CPB1: variants seen among roughly 807,000 people sequenced by gnomAD.
The protein encoded by CPB1 is carboxypeptidase B1, also known as carboxypeptidase B.
A neutral mutation model predicts 51.4 loss-of-function variants in CPB1; 53 were observed. That is an observed-to-expected ratio of 1.03 (90% CI 0.83 to 1.30). CPB1 has a LOEUF of 1.30. Among genes scored for constraint, CPB1 ranks in the 50% most tolerant of loss-of-function variants. CPB1 has a pLI of 0.00. For synonymous variants in CPB1, 189 were observed against 186.9 expected, an observed-to-expected ratio of 1.01 and a Z score of -0.09; for missense variants, 494 against 516.2, an observed-to-expected ratio of 0.96 and a Z score of 0.42.
At chr3:148,839,711 T>C (rs572641811) in intron 3 of CPB1, among the ~76,000 whole-genome samples, 2 of 152,300 alleles carry the variant, frequency 1.3e-5, no homozygotes, top group South Asian at 2.1e-4. Flanking sequence ...CAGAATGTCC[T>C]TGGGGCAGCC....
Position 148,827,913 on chromosome 3 carries a change from A to G in CPB1, c.71+19A>G, listed in dbSNP as rs10935727. On this transcript the variant is annotated intron_variant, in intron 1 of 10. Coordinates refer to ENST00000282957, the MANE Select transcript of CPB1 (RefSeq NM_001871.3). Reference sequence around the variant, plus strand: ...TTGAAGGGTAAGTAAGCCATCTTTAAGGAGCAAGTCCTTCTTCCTTGCTAG... The same window carrying G: ...TTGAAGGGTAAGTAAGCCATCTTTAGGGAGCAAGTCCTTCTTCCTTGCTAG... 3.9e-3 allele frequency: 6,242 copies of G among 1,613,846 alleles called. 211 individuals carry two copies. The African/African-American group carries it at 0.074, about 19-fold the overall frequency.
chr3:148,850,518 G>C (rs983125952), intron 9 of CPB1, among the ~76,000 whole-genome samples: 4 of 152,182 alleles, frequency 2.6e-5, no homozygotes, highest in Admixed American at 6.5e-5. Flanking sequence ...TAGCCAGGGT[G>C]GTCTCGATCT....
intron 10 of CPB1, among the ~76,000 whole-genome samples, chr3:148,858,433 G>A (rs536254122): frequency 3.3e-5 from 5 of 152,068 alleles, no homozygotes; most frequent in Admixed American, 2.0e-4. Context: ...TTAGCCAGGC[G>A]TGGTGGCGGG....
At chr3:148,844,279 G>T (rs1174007261) in intron 6 of CPB1, among the ~76,000 whole-genome samples, 199 bp from the exon 7 acceptor site, 3 of 152,118 alleles carry the variant, frequency 2.0e-5, no homozygotes, top group South Asian at 2.1e-4. Context: ...AAGCAGAGAA[G>T]AATTAGAAAT....
At chr3:148,843,030 T>TA (rs1291871785) in intron 6 of CPB1, among the ~76,000 whole-genome samples, 1 of 152,128 alleles carries the variant, frequency 6.6e-6, no homozygotes, top group African/African-American at 2.4e-5. Flanking sequence ...TCAACAGTGT[T>TA]AAAGTCATAA....
intron 5 of CPB1, among the ~76,000 whole-genome samples, chr3:148,841,408 T>C (rs1176562576): frequency 6.6e-6 from 1 of 152,132 alleles, no homozygotes; most frequent in Non-Finnish European, 1.5e-5. Context: ...ATGAAGGAAA[T>C]AAAAAGACAG....
intron 9 of CPB1, among the ~76,000 whole-genome samples, chr3:148,853,918 T>C (rs1369310094): frequency 2.6e-5 from 4 of 152,172 alleles, no homozygotes; most frequent in Admixed American, 2.0e-4. Flanking sequence ...AGCTTAAGTT[T>C]TTATGTAAAT....
intron 3 of CPB1, among the ~76,000 whole-genome samples, chr3:148,839,128 T>A (rs1712998834): frequency 6.6e-6 from 1 of 152,188 alleles, no homozygotes; most frequent in Non-Finnish European, 1.5e-5. Flanking sequence ...ATCATGAGTC[T>A]TTAAAGTGAA....
chr3:148,827,924 C>T, intron 1 of CPB1, 30 bp downstream of exon 1: 1 of 1,611,870 alleles, frequency 6.2e-7, no homozygotes, highest in Non-Finnish European at 8.5e-7. Flanking sequence ...GGAGCAAGTC[C>T]TTCTTCCTTG....
chr3:148,829,679 T>G (rs180920382), intron 2 of CPB1, among the ~76,000 whole-genome samples: 1 of 152,340 alleles, frequency 6.6e-6, no homozygotes, highest in East Asian at 1.9e-4. Flanking sequence ...TCCAACAAGT[T>G]TGATAATCAT....
At position 148,848,427 on chromosome 3, in the gene CPB1, T is replaced by C. The variant is rs537302049; in HGVS notation, c.981+2801T>C. 2.2e-4 allele frequency among the ~76,000 whole-genome samples: 34 copies of C among 152,252 alleles called. 1 individual carries two copies. In the South Asian group the frequency reaches 6.6e-3, roughly 30 times the overall value. ...TCTTGCATCATACCACATTAAAATT[T>C]AAAGGAAACAATGAGGACTTACAGC... On this transcript the variant is annotated intron_variant, in intron 9 of 10. Transcript: ENST00000282957.
At chr3:148,845,762 A>ATT (rs1713219544) in intron 9 of CPB1, 136 bp downstream of exon 9, 1 of 684,006 alleles carries the variant, frequency 1.5e-6, no homozygotes, top group Non-Finnish European at 2.4e-6. Flanking sequence ...TGAAAAACTT[A>ATT]TTACAGATTT....
rs1394282773 is a variant in CPB1, at chr3:148,841,739, C to T, written c.475-84C>T. 7 of 1,033,406 alleles carry T rather than the reference C, an allele frequency of 6.8e-6. No homozygotes were observed. The East Asian group carries it at 1.2e-4, about 18-fold the overall frequency. The allele number at this position is 1,033,406 out of a possible 1,614,324, so 64.0% of individuals were successfully genotyped here. ...TGCTGTCGGGTTTCACTTGTTGAGT[C>T]TCAAGCCCAGATGGGTAGTGGAGGT... On this transcript the variant is annotated intron_variant, in intron 5 of 10. Transcript: ENST00000282957.
In CPB1 at chr3:148,834,397, G is replaced by A. The variant is rs894610761; in HGVS notation, c.148-101G>A. ...TTTCAACAGATTTCATGGATGATTTGATTTTGAAAATAACTCAATTCAGTA... is the reference window on the plus strand; with the variant it reads ...TTTCAACAGATTTCATGGATGATTTAATTTTGAAAATAACTCAATTCAGTA... On this transcript the variant is annotated intron_variant, in intron 2 of 10. Coordinates refer to ENST00000282957, the MANE Select transcript of CPB1 (RefSeq NM_001871.3). 1.3e-5 allele frequency: 15 copies of A among 1,149,710 alleles called. No individual in the cohort carries two copies. The Middle Eastern group carries it at 8.0e-4, about 61-fold the overall frequency. 71.2% of individuals were successfully genotyped at this position (1,149,710 alleles called of 1,614,324 possible). A position where few individuals can be genotyped will look rare whatever the true frequency, so the allele number is the denominator to read the frequency against.
intron 3 of CPB1, among the ~76,000 whole-genome samples, chr3:148,834,998 A>AT (rs1712857435): frequency 6.6e-6 from 1 of 152,158 alleles, no homozygotes; most frequent in Non-Finnish European, 1.5e-5. Flanking sequence ...AGCGAGACCT[A>AT]TTGTGAGTTA....
intron 10 of CPB1, among the ~76,000 whole-genome samples, chr3:148,859,464 C>A (rs1713687404): frequency 6.6e-6 from 1 of 152,192 alleles, no homozygotes; most frequent in South Asian, 2.1e-4. Flanking sequence ...TCTCCTCTTG[C>A]CAATCATCAT....
chr3:148,828,090 T>C lies in CPB1; in HGVS notation c.147+13T>C, dbSNP rs1343203621. ...CAGCACGACCCAGGTAAGTAACAAT[T>C]TTGATTTACTTCACATCTAATTTAA... On this transcript the variant is annotated intron_variant, in intron 2 of 10. Transcript: ENST00000282957. 6.3e-7 allele frequency: 1 copy of C among 1,599,808 alleles called. No individual in the cohort carries two copies. Among genetic ancestry groups the C allele is most frequent in the East Asian group, 2.2e-5 (1 of 44,798 alleles).
At chr3:148,849,713 T>C (rs1713367633) in intron 9 of CPB1, among the ~76,000 whole-genome samples, 1 of 152,260 alleles carries the variant, frequency 6.6e-6, no homozygotes, top group Non-Finnish European at 1.5e-5. Context: ...ATCCAGGGCA[T>C]GTGTCTTGCA....
chr3:148,857,243 T>C (rs1713606946), intron 9 of CPB1: 1 of 449,826 alleles, frequency 2.2e-6, no homozygotes, highest in Non-Finnish European at 4.0e-6. Flanking sequence ...GAGTGAATGC[T>C]TGGGGAGGGT....
Sources: allele counts gnomAD v4.1 joint callset (sites outside exome capture counted in the v4.1 genomes callset), GRCh38; gene constraint gnomAD v4.1.1; transcripts MANE v1.5; gene names NCBI Gene and HGNC (gene_info 2026-07-23, HGNC 2026-07-21).